ATP6V1H: variants seen among roughly 807,000 people sequenced by gnomAD.
The protein encoded by ATP6V1H is ATPase H+ transporting V1 subunit H.
A neutral mutation model predicts 71.7 loss-of-function variants in ATP6V1H; 39 were observed. The observed-to-expected ratio is 0.54, with a 90% CI of 0.42 to 0.71. ATP6V1H has a LOEUF of 0.71. Among genes scored for constraint, ATP6V1H ranks in the 30% least tolerant of loss-of-function variants. The pLI, the probability that ATP6V1H is intolerant of heterozygous loss-of-function variation, is 0.00. For missense variants in ATP6V1H, 509 were observed against 594.9 expected (o/e 0.86, Z 1.50); for synonymous variants, 192 against 199.3 (o/e 0.96, Z 0.31).
At chr8:53,833,202 A>T (rs1811064615) in intron 2 of ATP6V1H, 116 bp from the exon 3 acceptor site, 1 of 717,020 alleles carries the variant, frequency 1.4e-6, no homozygotes, top group Admixed American at 2.4e-5. Context: ...GGGCTGACGC[A>T]AGGGCCCTGG....
intron 9 of ATP6V1H, among the ~76,000 whole-genome samples, chr8:53,791,570 A>G (rs1373772706): frequency 6.6e-6 from 1 of 152,234 alleles, no homozygotes; most frequent in Non-Finnish European, 1.5e-5. Context: ...CAAACTACTG[A>G]TGATTCCAGA....
chr8:53,811,382 T>C (rs1411185856), intron 6 of ATP6V1H, among the ~76,000 whole-genome samples, 165 bp from the exon 7 acceptor site: 2 of 152,194 alleles, frequency 1.3e-5, no homozygotes, highest in East Asian at 1.9e-4. Context: ...GGGGATGACA[T>C]AAAATGTTCT....
chr8:53,806,855 T>C (rs1409444381), intron 7 of ATP6V1H: 4 of 455,128 alleles, frequency 8.8e-6, no homozygotes, highest in Admixed American at 2.4e-5. Flanking sequence ...TACTGAATAC[T>C]GTGCTGAAAG....
At chr8:53,803,453 G>GT (rs1402075716) in intron 7 of ATP6V1H, among the ~76,000 whole-genome samples, 2 of 152,162 alleles carry the variant, frequency 1.3e-5, no homozygotes. Context: ...AATCACAGGT[G>GT]TTATATAAAT....
intron 6 of ATP6V1H, among the ~76,000 whole-genome samples, chr8:53,813,045 G>C (rs1416830638): frequency 2.6e-5 from 4 of 152,122 alleles, no homozygotes; most frequent in Non-Finnish European, 4.4e-5. Flanking sequence ...AGGAAAAAAG[G>C]GAGAAGTGTA....
intron 13 of ATP6V1H, among the ~76,000 whole-genome samples, chr8:53,731,542 C>T (rs1188973585): frequency 6.6e-6 from 1 of 152,184 alleles, no homozygotes; most frequent in Non-Finnish European, 1.5e-5. Flanking sequence ...GCCCCAGCCA[C>T]GTACCCCATG....
intron 12 of ATP6V1H, among the ~76,000 whole-genome samples, chr8:53,749,546 C>T (rs1017102380): frequency 3.9e-5 from 6 of 152,148 alleles, no homozygotes; most frequent in Admixed American, 2.6e-4. Flanking sequence ...CCCAGTCTCT[C>T]GTTCCTGCTG....
chr8:53,810,554 A>G (rs949524297), intron 7 of ATP6V1H, among the ~76,000 whole-genome samples: 5 of 152,154 alleles, frequency 3.3e-5, no homozygotes, highest in Non-Finnish European at 7.3e-5. Flanking sequence ...ATTCTGGCCA[A>G]CTTGGTGAAA....
chr8:53,742,187 C>CA (rs1241537814), intron 13 of ATP6V1H, among the ~76,000 whole-genome samples: 1 of 152,102 alleles, frequency 6.6e-6, no homozygotes, highest in Non-Finnish European at 1.5e-5. Context: ...TGCCCTTGAC[C>CA]ATCCTTCATA....
intron 8 of ATP6V1H, among the ~76,000 whole-genome samples, chr8:53,797,425 G>A (rs6997127): frequency 0.17 from 26,134 of 152,094 alleles, 3,698 homozygotes; most frequent in African/African-American, 0.37. Context: ...CCTCAAAGAT[G>A]TCAGCACTAG....
At chr8:53,820,581 C>T (rs147994969) in intron 4 of ATP6V1H, among the ~76,000 whole-genome samples, 2 of 150,458 alleles carry the variant, frequency 1.3e-5, no homozygotes, top group African/African-American at 2.4e-5. Flanking sequence ...GTGCGAGGAT[C>T]GTTTGAACCC....
At chr8:53,829,983 A>C (rs947793092) in intron 3 of ATP6V1H, among the ~76,000 whole-genome samples, 2 of 152,226 alleles carry the variant, frequency 1.3e-5, no homozygotes, top group African/African-American at 4.8e-5. Context: ...CAACCTCTCC[A>C]TAATTCAATA....
chr8:53,826,439 C>T (rs1233825753), intron 4 of ATP6V1H, among the ~76,000 whole-genome samples: 1 of 152,268 alleles, frequency 6.6e-6, no homozygotes, highest in East Asian at 1.9e-4. Flanking sequence ...TATGGTACAT[C>T]CACTAATGGG....
intron 4 of ATP6V1H, among the ~76,000 whole-genome samples, chr8:53,827,824 C>T (rs1166648197): frequency 6.6e-6 from 1 of 152,110 alleles, no homozygotes; most frequent in Non-Finnish European, 1.5e-5. Context: ...CATGTGTTCT[C>T]ATCATTTAGC....
intron 9 of ATP6V1H, among the ~76,000 whole-genome samples, chr8:53,787,976 T>G (rs538351287): frequency 1.4e-4 from 22 of 152,232 alleles, no homozygotes; most frequent in Non-Finnish European, 2.6e-4. Flanking sequence ...TTTTAGGATG[T>G]GTCTATACTA....
intron 11 of ATP6V1H, among the ~76,000 whole-genome samples, chr8:53,757,750 G>A (rs1481658272): frequency 6.6e-6 from 1 of 152,028 alleles, no homozygotes; most frequent in East Asian, 1.9e-4. Context: ...AAGAGCCCAC[G>A]ATTACCCTAA....
At chr8:53,819,966 C>G (rs1405690997) in intron 4 of ATP6V1H, among the ~76,000 whole-genome samples, 1 of 151,576 alleles carries the variant, frequency 6.6e-6, no homozygotes, top group Non-Finnish European at 1.5e-5. Flanking sequence ...ACACAAAACC[C>G]ATGCCCTCAG....
intron 9 of ATP6V1H, among the ~76,000 whole-genome samples, chr8:53,775,166 T>C (rs565475334): frequency 6.6e-6 from 1 of 152,222 alleles, no homozygotes; most frequent in South Asian, 2.1e-4. Context: ...CGGTGAGTGT[T>C]ACGGCTCTTA....
At chr8:53,760,124 G>A (rs1179714191) in intron 11 of ATP6V1H, among the ~76,000 whole-genome samples, 3 of 152,162 alleles carry the variant, frequency 2.0e-5, no homozygotes, top group Non-Finnish European at 4.4e-5. Context: ...GCCAGGGAAC[G>A]ACAGTCTTCC....
Sources: gnomAD v4.1 joint callset for allele counts (sites outside exome capture counted in the v4.1 genomes callset) on GRCh38, gnomAD v4.1.1 for gene constraint, MANE v1.5 for transcripts, NCBI Gene and HGNC (gene_info 2026-07-23, HGNC 2026-07-21) for gene names.